CEP131: variants seen among roughly 807,000 people sequenced by gnomAD.
CEP131 encodes centrosomal protein 131.
A neutral mutation model predicts 136.8 loss-of-function variants in CEP131; 99 were observed. The observed-to-expected ratio is 0.72, with a 90% CI of 0.62 to 0.86. CEP131 has a LOEUF of 0.86. CEP131 is among the 40% of genes least tolerant of loss of function. The pLI is 0.00. For synonymous variants in CEP131, 646 were observed against 612.7 expected, an observed-to-expected ratio of 1.05 and a Z score of -0.80; for missense variants, 1,459 against 1,463.0, an observed-to-expected ratio of 1.00 and a Z score of 0.04.
In CEP131 at chr17:81,215,553, A is replaced by T. The variant is rs1325642111; in HGVS notation, c.177+4327T>A. On this transcript the variant is annotated intron_variant, in intron 2 of 25. Coordinates refer to ENST00000450824, the MANE Select transcript of CEP131 (RefSeq NM_014984.4). This position sits in a 1 kb window ranked among gnomAD's most constrained non-coding sequence, Gnocchi z 4.1. ...TAGCTTCCTGTGTAGCTGGCATTAC[A>T]GGTGCCTGCCACCACGTCCAGCTAT... 6.6e-6 allele frequency among the ~76,000 whole-genome samples: 1 copy of T among 152,046 alleles called. No individual in the cohort carries two copies. The highest frequency in any genetic ancestry group is 1.5e-5 in the Non-Finnish European group (1 of 68,026).
In CEP131 at chr17:81,219,549, C is replaced by T. The variant is rs1164858792; in HGVS notation, c.177+331G>A. On this transcript the variant is annotated intron_variant, in intron 2 of 25. Transcript: ENST00000450824. The surrounding 1 kb of genome is among the most constrained non-coding windows in gnomAD (Gnocchi z 4.0). Reference sequence around the variant, plus strand: ...CTGACCTCAGATGACCCGCCTGCCTCGGCCTCCCAAAGTGCTGAGATTACA... The same window carrying T: ...CTGACCTCAGATGACCCGCCTGCCTTGGCCTCCCAAAGTGCTGAGATTACA... Among the ~76,000 whole-genome samples, 4 of 152,192 alleles carry T rather than the reference C, an allele frequency of 2.6e-5. No individual in the cohort carries two copies. The East Asian group carries it at 5.8e-4, about 22-fold the overall frequency.
At chr17:81,220,330 C>T (rs2062359143) in intron 1 of CEP131, among the ~76,000 whole-genome samples, 1 of 152,128 alleles carries the variant, frequency 6.6e-6, no homozygotes, top group Non-Finnish European at 1.5e-5. Context: ...GAGGGCAAGG[C>T]CCGTGGGTGG....
rs746240296 is a variant in CEP131, at chr17:81,208,646, C to T, written c.272+282G>A. ...AGAGGGCAGGTGGAAAGGGCTTCAG[C>T]GGAGCCCTCAGGCAGGGTCCCAGCA... On this transcript the variant is annotated intron_variant, in intron 3 of 25. Coordinates refer to ENST00000450824, the MANE Select transcript of CEP131 (RefSeq NM_014984.4). This position sits in a 1 kb window ranked among gnomAD's most constrained non-coding sequence, Gnocchi z 5.6. Among the ~76,000 whole-genome samples, 3 of 152,214 alleles carry T rather than the reference C, an allele frequency of 2.0e-5. No individual in the cohort carries two copies. Among genetic ancestry groups the T allele is most frequent in the Non-Finnish European group, 2.9e-5 (2 of 68,034 alleles).
chr17:81,206,977 AGGTG>A, intron 4 of CEP131, 106 bp from the exon 5 acceptor site: 1 of 1,535,710 alleles, frequency 6.5e-7, no homozygotes, highest in Non-Finnish European at 8.7e-7. Context: ...CCATACAGAC[AGGTG>A]GATGTCCTGG....
chr17:81,195,327 C>T (rs546340591), intron 16 of CEP131, among the ~76,000 whole-genome samples: 1 of 152,278 alleles, frequency 6.6e-6, no homozygotes. Flanking sequence ...GCCACAGTCA[C>T]GTGCAGGGAT....
chr17:81,193,316 G>C (rs867396), intron 18 of CEP131, among the ~76,000 whole-genome samples: 55,276 of 151,968 alleles, frequency 0.36, 10,638 homozygotes, highest in Non-Finnish European at 0.41. Flanking sequence ...AGGAGAGACT[G>C]GGGGACCAGC....
rs760355681 is a variant in CEP131 at position 81,190,692 on chromosome 17, C to G, written c.3054G>C (p.Glu1018Asp). 1.9e-6 allele frequency: 3 copies of G among 1,605,482 alleles called. No individual in the cohort carries two copies. The East Asian group carries it at 6.7e-5, about 36-fold the overall frequency. ...GCTGGCGGGCCTGCAGCGTGGCCAG[C>G]TCGGCCTTGGCCTGCCGCGTCTCCT... Reference protein sequence around the residue: ...SEEETRQAKAELATLQARQQL... With the variant: ...SEEETRQAKADLATLQARQQL... Residue 1018 changes from glutamate to aspartate, a missense_variant, in exon 24 of 26, where the codon GAG (glutamate) becomes GAC (aspartate). Glu to Asp is a conservative substitution (Grantham distance 45, BLOSUM62 2). Coordinates refer to ENST00000450824, the MANE Select transcript of CEP131 (RefSeq NM_014984.4).
In CEP131 at chr17:81,219,339, G is replaced by A. The variant is rs1348375344; in HGVS notation, c.177+541C>T. ...AGATGGCATCTCACTCTGTCGCCAG[G>A]CTGGAGTGCAACGGCACGATCTCGG... On this transcript the variant is annotated intron_variant, in intron 2 of 25. Transcript: ENST00000450824. The surrounding 1 kb of genome is among the most constrained non-coding windows in gnomAD (Gnocchi z 4.0). 1.3e-5 allele frequency among the ~76,000 whole-genome samples: 2 copies of A among 150,478 alleles called. No homozygotes were observed. Among genetic ancestry groups the A allele is most frequent in the Non-Finnish European group, 1.5e-5 (1 of 67,738 alleles).
At position 81,199,765 on chromosome 17, in the gene CEP131, T is replaced by A; in HGVS notation, c.977A>T (p.Lys326Met). 2 of 1,611,468 alleles carry A rather than the reference T, an allele frequency of 1.2e-6. No homozygotes were observed. Among genetic ancestry groups the A allele is most frequent in the Non-Finnish European group, 1.7e-6 (2 of 1,179,994 alleles). Residue 326 changes from lysine (K) to methionine (M), a missense_variant, in exon 9 of 26, where the codon AAG (lysine) becomes ATG (methionine). Lys to Met is a moderately conservative substitution (Grantham distance 95). Transcript: ENST00000450824. ...TTGGCGTGCCTTCTCCTCCCGGGCCTTCCTCCTGGCTGCCTCTTTCTGCTG... is the reference window on the plus strand; with the variant it reads ...TTGGCGTGCCTTCTCCTCCCGGGCCATCCTCCTGGCTGCCTCTTTCTGCTG... ...LHQQKEAARR[K>M]AREEKARQAR...
rs368321484 is a variant in CEP131, at chr17:81,206,088, CT to C, written c.515+655del. Among the ~76,000 whole-genome samples the C allele has an allele frequency of 3.3e-3, 501 of 152,124 alleles. 1 individual carries two copies. The highest frequency in any genetic ancestry group is 0.011 in the African/African-American group (465 of 41,500). ...GGGCGTGGTGGCGTGGTGGCACGTG[CT>C]TATAATCTCAGCTACTCGGGAGGCT... On this transcript the variant is annotated intron_variant, in intron 5 of 25. Coordinates refer to ENST00000450824, the MANE Select transcript of CEP131 (RefSeq NM_014984.4).
Position 81,209,027 on chromosome 17 carries a change from A to G in CEP131, c.178-5T>C. The G allele has an allele frequency of 6.3e-7, 1 of 1,598,804 alleles. No individual in the cohort carries two copies. Among genetic ancestry groups the G allele is most frequent in the Non-Finnish European group, 8.6e-7 (1 of 1,167,512 alleles). ...GCCCCCAGGCCCTGTGGCCTCCTGC[A>G]AAAAGGGAGAAAACAGTTAATTATG... On this transcript the variant is annotated splice_region_variant and splice_polypyrimidine_tract_variant and intron_variant, in intron 2 of 25. Transcript: ENST00000450824.
intron 15 of CEP131, 58 bp from the exon 16 acceptor site, chr17:81,196,009 T>G: frequency 2.1e-6 from 3 of 1,434,224 alleles, no homozygotes; most frequent in East Asian, 2.3e-5. Context: ...GCAGGACCCC[T>G]GATGGAGGAG....
At chr17:81,192,685 G>GGGGGGGGGGGGGGGGGGGGGGCGGCC in intron 19 of CEP131, 51 bp downstream of exon 19, 1 of 478,438 alleles carries the variant, frequency 2.1e-6, no homozygotes, top group Non-Finnish European at 4.1e-6. Flanking sequence ...GGGGGGAGGG[G>GGGGGGGGGGGGGGGGGGGGGGCGGCC]TCAGCCAGCG....
intron 2 of CEP131, among the ~76,000 whole-genome samples, chr17:81,212,382 T>C (rs1435579030): frequency 6.6e-6 from 1 of 151,182 alleles, no homozygotes; most frequent in Non-Finnish European, 1.5e-5. Context: ...GATGTTAAGT[T>C]AGAAATAAAA....
chr17:81,209,367 T>C lies in CEP131; in HGVS notation c.178-345A>G, dbSNP rs561326364. On this transcript the variant is annotated intron_variant, in intron 2 of 25. Transcript: ENST00000450824. Reference sequence around the variant, plus strand: ...CCCACCTTCAGTGGATGAGAACCCCTGGGGACCCTTCACCCCGCGGTCTCC... The same window carrying C: ...CCCACCTTCAGTGGATGAGAACCCCCGGGGACCCTTCACCCCGCGGTCTCC... Among the ~76,000 whole-genome samples the C allele has an allele frequency of 1.0e-3, 159 of 152,312 alleles. 2 individuals carry two copies. In the South Asian group the frequency reaches 0.031, roughly 30 times the overall value.
In CEP131 at chr17:81,199,706, G is replaced by T; in HGVS notation, c.1023+13C>A. The T allele has an allele frequency of 6.2e-7, 1 of 1,606,760 alleles. No individual in the cohort carries two copies. The highest frequency in any genetic ancestry group is 2.2e-5 in the East Asian group (1 of 44,864). On this transcript the variant is annotated intron_variant, in intron 9 of 25. Transcript: ENST00000450824. ...GCCACGGTGCTGCTCAGTGGTCCCTGCGCGGTCAGCACCTGAATGGCTGCT... is the reference window on the plus strand; with the variant it reads ...GCCACGGTGCTGCTCAGTGGTCCCTTCGCGGTCAGCACCTGAATGGCTGCT...
intron 19 of CEP131, 51 bp downstream of exon 19, chr17:81,192,685 G>GGGGGGGGCC: frequency 2.1e-6 from 1 of 478,420 alleles, no homozygotes; most frequent in Non-Finnish European, 4.1e-6. Flanking sequence ...GGGGGGAGGG[G>GGGGGGGGCC]TCAGCCAGCG....
chr17:81,203,740 C>T lies in CEP131; in HGVS notation c.516-133G>A, dbSNP rs1453550540. 3.4e-5 allele frequency: 23 copies of T among 674,054 alleles called. No individual in the cohort carries two copies. Among genetic ancestry groups the T allele is most frequent in the Admixed American group, 2.3e-4 (9 of 39,158 alleles). The allele number at this position is 674,054 out of a possible 1,614,324, so 41.8% of individuals were successfully genotyped here. A position where few individuals can be genotyped will look rare whatever the true frequency, so the allele number is the denominator to read the frequency against. The stretch of plus-strand genomic sequence containing the variant: ...GCTTGCTACGTGCTGGCAGCATTGT[C>T]GTCCAGTGTCCCCAGGCCCCTTCCA... On this transcript the variant is annotated intron_variant, in intron 5 of 25. Transcript: ENST00000450824. This position sits in a 1 kb window ranked among gnomAD's most constrained non-coding sequence, Gnocchi z 4.6.
intron 4 of CEP131, 97 bp downstream of exon 4, chr17:81,207,028 T>C (rs970759026): frequency 3.3e-6 from 5 of 1,520,420 alleles, no homozygotes; most frequent in Admixed American, 2.0e-5. Flanking sequence ...ACACCCTCCC[T>C]GCAGTGCCCT....
Sources: gnomAD v4.1 joint callset for allele counts (sites outside exome capture counted in the v4.1 genomes callset) on GRCh38, gnomAD v4.1.1 for gene constraint, Gnocchi (gnomAD v3.1) non-coding constraint, MANE v1.5 for transcripts, NCBI Gene and HGNC (gene_info 2026-07-23, HGNC 2026-07-21) for gene names.